Variants in MYCBP2 observed in about 807,000 individuals in gnomAD.
MYCBP2 encodes the protein E3 ubiquitin-protein ligase MYCBP2.
MYCBP2 carries 120 observed loss-of-function variants against 525.3 expected under a neutral mutation model. That is an observed-to-expected ratio of 0.23 (90% CI 0.20 to 0.27). The LOEUF (loss-of-function observed/expected upper bound fraction) is 0.27, where lower values mean the gene tolerates loss of function less well. Among genes scored for constraint, MYCBP2 ranks in the 10% least tolerant of loss-of-function variants. The pLI, the probability that MYCBP2 is intolerant of heterozygous loss-of-function variation, is 1.00. For missense variants in MYCBP2, 4,149 were observed against 5,657.1 expected, an observed-to-expected ratio of 0.73 and a Z score of 8.55; for synonymous variants, 1,894 against 1,955.8, an observed-to-expected ratio of 0.97 and a Z score of 0.83.
At chr13:77,258,149 A>C (rs922156753) in intron 13 of MYCBP2, among the ~76,000 whole-genome samples, 9 of 152,234 alleles carry the variant, frequency 5.9e-5, no homozygotes, top group African/African-American at 2.2e-4. Context: ...TGGTCTAAGC[A>C]CAAAGGAGTC....
intron 19 of MYCBP2, among the ~76,000 whole-genome samples, chr13:77,224,877 A>G (rs1166314100): frequency 2.6e-5 from 4 of 152,138 alleles, no homozygotes; most frequent in African/African-American, 4.8e-5. Flanking sequence ...TATCTAGGAT[A>G]GGAGGTCTGC....
chr13:77,083,117 G>C lies in MYCBP2; in HGVS notation c.10951C>G (p.His3651Asp), dbSNP rs1283998681. 6.2e-7 allele frequency: 1 copy of C among 1,613,640 alleles called. No individual in the cohort carries two copies. The highest frequency in any genetic ancestry group is 1.1e-5 in the South Asian group (1 of 91,064). ...GTCTGCAGCAAGCGGTGAAAGGTGT[G>C]TGGTAAAGGATGAGCAGCTTCCCCG... The part of the protein sequence containing the change: ...IAGEAAHPLP[H>D]TFHRLLQTIS... The change falls in exon 63 of 83, where the codon CAC becomes GAC. Residue 3651 changes from histidine to aspartate, a missense_variant. By Grantham distance (81) the His-to-Asp change is moderately conservative (BLOSUM62 -1). Around this residue, in one of 21 missense-constraint regions of MYCBP2, gnomAD observed 509 missense variants for 789.4 expected, o/e 0.64. Transcript: ENST00000544440.
intron 36 of MYCBP2, among the ~76,000 whole-genome samples, chr13:77,176,019 CTT>C (rs35933603): frequency 0.033 from 4,726 of 142,922 alleles, 200 homozygotes; most frequent in East Asian, 0.17. Context: ...AACAAAAACA[CTT>C]TTTTTTTTTT....
chr13:77,301,708 T>C lies in MYCBP2; in HGVS notation c.303-5034A>G, dbSNP rs141605192. On this transcript the variant is annotated intron_variant, in intron 1 of 82. Transcript: ENST00000544440. The stretch of plus-strand genomic sequence containing the variant: ...GGGACATCAAAAGAAGCAAAATATG[T>C]GGCAGACACATAATCAAGAGAAAAC... Among the ~76,000 whole-genome samples the C allele has an allele frequency of 2.2e-3, 333 of 152,270 alleles. 1 individual carries two copies. Among genetic ancestry groups the C allele is most frequent in the African/African-American group, 7.6e-3 (317 of 41,552 alleles).
Position 77,169,654 on chromosome 13 carries a change from A to G in MYCBP2, c.5855T>C (p.Ile1952Thr), listed in dbSNP as rs1160348831. Residue 1952 changes from isoleucine to threonine, a missense_variant, in exon 39 of 83, where the codon ATT becomes ACT. By Grantham distance (89) the Ile-to-Thr change is moderately conservative (BLOSUM62 -1). Around this residue, in one of 21 missense-constraint regions of MYCBP2, gnomAD observed 692 missense variants for 852.7 expected, o/e 0.81. Transcript: ENST00000544440. Reference protein sequence around the residue: ...SSLFSMLLPLIIAYIGPVAAA... With the variant: ...SSLFSMLLPLTIAYIGPVAAA... ...AGCTACTGGTCCTATGTAGGCTATA[A>G]TAAGGGGGAGCAGCATGGAAAACAG... 1.2e-5 allele frequency: 20 copies of G among 1,614,134 alleles called. No individual in the cohort carries two copies. The highest frequency in any genetic ancestry group is 2.2e-5 in the East Asian group (1 of 44,868).
intron 15 of MYCBP2, among the ~76,000 whole-genome samples, chr13:77,250,489 T>C (rs1329233705): frequency 1.3e-5 from 2 of 152,170 alleles, no homozygotes; most frequent in South Asian, 2.1e-4. Context: ...ACACAAAGAA[T>C]ATCCCATCAT....
chr13:77,067,530 C>T (rs1566361833), intron 71 of MYCBP2, 51 bp downstream of exon 71: 1 of 1,563,454 alleles, frequency 6.4e-7, no homozygotes, highest in South Asian at 1.1e-5. Context: ...AATTTCTGAA[C>T]AGTAGCTCAC....
Position 77,262,165 on chromosome 13 carries a change from T to C in MYCBP2, c.1571-36A>G, listed in dbSNP as rs1211275606. The C allele has an allele frequency of 2.6e-6, 4 of 1,522,484 alleles. No homozygotes were observed. The East Asian group carries it at 6.8e-5, about 26-fold the overall frequency. The allele number at this position is 1,522,484 out of a possible 1,614,324, so 94.3% of individuals were successfully genotyped here. A position where few individuals can be genotyped will look rare whatever the true frequency, so the allele number is the denominator to read the frequency against. On this transcript the variant is annotated intron_variant, in intron 10 of 82. Coordinates refer to ENST00000544440, the MANE Select transcript of MYCBP2 (RefSeq NM_015057.5). ...AGACTAATAAATACTATTGCATTTC[T>C]AATATGAAGAATTCTAAATACAACA...
chr13:77,296,399 G>GA (rs1022142326), intron 2 of MYCBP2, among the ~76,000 whole-genome samples, 200 bp downstream of exon 2: 13 of 128,480 alleles, frequency 1.0e-4, no homozygotes, highest in Non-Finnish European at 1.2e-4. Flanking sequence ...TTTCAAAAAA[G>GA]AAAAAAAAAA....
intron 38 of MYCBP2, among the ~76,000 whole-genome samples, chr13:77,170,266 T>C (rs1276064024): frequency 6.6e-6 from 1 of 152,178 alleles, no homozygotes; most frequent in Non-Finnish European, 1.5e-5. Flanking sequence ...TTGCTTTCTG[T>C]TTTTCCAAGA....
At chr13:77,316,975 A>G (rs1275510843) in intron 1 of MYCBP2, among the ~76,000 whole-genome samples, 2 of 150,088 alleles carry the variant, frequency 1.3e-5, no homozygotes, top group Non-Finnish European at 1.5e-5. Context: ...TTTGAGATGG[A>G]GTCTTGCTCT....
intron 52 of MYCBP2, among the ~76,000 whole-genome samples, chr13:77,132,378 A>G (rs924748468): frequency 1.3e-5 from 2 of 152,178 alleles, no homozygotes; most frequent in African/African-American, 2.4e-5. Context: ...TGCCAATTTT[A>G]TCAATTAACC....
At chr13:77,275,107 C>T (rs571315582) in intron 4 of MYCBP2, among the ~76,000 whole-genome samples, 1 of 152,278 alleles carries the variant, frequency 6.6e-6, no homozygotes, top group Non-Finnish European at 1.5e-5. Flanking sequence ...CTATTCTACA[C>T]TAGGGTATTG....
At chr13:77,169,198 G>A (rs1305193158) in intron 39 of MYCBP2, among the ~76,000 whole-genome samples, 1 of 152,064 alleles carries the variant, frequency 6.6e-6, no homozygotes, top group Admixed American at 6.5e-5. Context: ...CACGAGGTCA[G>A]GAGATCGAGA....
At position 77,140,033 on chromosome 13, in the gene MYCBP2, C is replaced by T; in HGVS notation, c.7518+14G>A. 6.4e-7 allele frequency: 1 copy of T among 1,559,370 alleles called. No individual in the cohort carries two copies. Among genetic ancestry groups the T allele is most frequent in the Non-Finnish European group, 8.7e-7 (1 of 1,143,120 alleles). On this transcript the variant is annotated intron_variant, in intron 51 of 82. Transcript: ENST00000544440. Reference sequence around the variant, plus strand: ...TGTCCAAAATTTACTACCAAAAGCTCCTTTATCAATTACCTCATCAATAAA... The same window carrying T: ...TGTCCAAAATTTACTACCAAAAGCTTCTTTATCAATTACCTCATCAATAAA...
chr13:77,266,199 T>C (rs2074054562), intron 8 of MYCBP2, among the ~76,000 whole-genome samples: 2 of 152,170 alleles, frequency 1.3e-5, no homozygotes, highest in Admixed American at 6.5e-5. Context: ...TTAGTACCCA[T>C]GTGTTATAGC....
At chr13:77,137,691 C>T (rs748552861) in intron 52 of MYCBP2, among the ~76,000 whole-genome samples, 2 of 152,192 alleles carry the variant, frequency 1.3e-5, no homozygotes, top group Middle Eastern at 3.4e-3. Flanking sequence ...TGAGTTCCAG[C>T]GATTCTCCCG....
Position 77,181,803 on chromosome 13 carries a change from T to C in MYCBP2, c.4839A>G (p.Glu1613=). The change falls in exon 33 of 83, where the codon GAA becomes GAG. Residue 1613 remains glutamate, a synonymous_variant. Transcript: ENST00000544440. ...GTTTAACAATTGATCGTAGTAATAC[T>C]TCTCCATCATACGCAATCGGGAAGA... ...TSIFPIAYDG[E]VLLRSIVKQV... The C allele has an allele frequency of 6.2e-7, 1 of 1,614,144 alleles. No individual in the cohort carries two copies. Among genetic ancestry groups the C allele is most frequent in the Non-Finnish European group, 8.5e-7 (1 of 1,179,996 alleles).
intron 7 of MYCBP2, among the ~76,000 whole-genome samples, chr13:77,268,517 C>T (rs947445534): frequency 1.2e-4 from 18 of 152,130 alleles, no homozygotes; most frequent in African/African-American, 3.9e-4. Context: ...CGGTGGCTCA[C>T]GCCTGTAATC....
Sources: gnomAD v4.1 joint callset for allele counts (sites outside exome capture counted in the v4.1 genomes callset) on GRCh38, gnomAD v4.1.1 for gene constraint, gnomAD v4.1.1 regional missense constraint, MANE v1.5 for transcripts, NCBI Gene and HGNC (gene_info 2026-07-23, HGNC 2026-07-21) for gene names.